Variants in SYK observed in about 807,000 individuals in gnomAD.
SYK encodes the protein spleen associated tyrosine kinase.
SYK carries 16 observed loss-of-function variants against 77.8 expected under a neutral mutation model. The ratio of observed to expected loss-of-function variants is 0.21; its 90% confidence interval spans 0.14 to 0.31. The LOEUF (loss-of-function observed/expected upper bound fraction) is 0.31, where lower values mean the gene tolerates loss of function less well. SYK is among the 10% of genes least tolerant of loss of function. The probability of loss-of-function intolerance (pLI) is 1.00; values close to 1 mark genes in which losing one functional copy is unlikely to be tolerated. For missense variants in SYK, 529 were observed against 814.4 expected (o/e 0.65, Z 4.26); for synonymous variants, 312 against 308.7 (o/e 1.01, Z -0.11).
chr9:90,894,989 C>T (rs937953534), intron 13 of SYK, among the ~76,000 whole-genome samples: 5 of 152,184 alleles, frequency 3.3e-5, no homozygotes, highest in African/African-American at 1.2e-4. Context: ...CCTAAGAACC[C>T]ATATCAACAG....
At chr9:90,808,191 C>T (rs1469257578) in intron 1 of SYK, among the ~76,000 whole-genome samples, 1 of 152,196 alleles carries the variant, frequency 6.6e-6, no homozygotes, top group Non-Finnish European at 1.5e-5. Flanking sequence ...CTCAAGGAAG[C>T]CCTTCATCCC....
chr9:90,811,788 G>A (rs1251413577), intron 1 of SYK, among the ~76,000 whole-genome samples: 1 of 150,902 alleles, frequency 6.6e-6, no homozygotes, highest in Admixed American at 6.6e-5. Context: ...AGCCTGGACT[G>A]GTGGTGTGCA....
chr9:90,834,126 C>G (rs572855325), intron 1 of SYK, among the ~76,000 whole-genome samples: 1 of 151,626 alleles, frequency 6.6e-6, no homozygotes, highest in Non-Finnish European at 1.5e-5. Flanking sequence ...AGTCCAAGCC[C>G]TCACTGACTT....
At chr9:90,808,828 C>T (rs188928570) in intron 1 of SYK, among the ~76,000 whole-genome samples, 2 of 152,164 alleles carry the variant, frequency 1.3e-5, no homozygotes, top group African/African-American at 4.8e-5. Flanking sequence ...CCCCACACTG[C>T]TGCCTGCCTG....
At position 90,897,714 on chromosome 9, in the gene SYK, G is replaced by C; in HGVS notation, c.*2114G>C. 4.4e-6 allele frequency: 1 copy of C among 224,816 alleles called. No homozygotes were observed. The highest frequency in any genetic ancestry group is 8.9e-6 in the Non-Finnish European group (1 of 112,674). The allele number at this position is 224,816 out of a possible 1,614,324, so 13.9% of individuals were successfully genotyped here. A position where few individuals can be genotyped will look rare whatever the true frequency, so the allele number is the denominator to read the frequency against. On this transcript the variant is annotated 3_prime_UTR_variant, in exon 14 of 14. Transcript: ENST00000375754. The stretch of plus-strand genomic sequence containing the variant: ...CATCCAGAATGTGATGGGACAAGAT[G>C]GGGGCAGGGGCCTCACCTCCCTGCA...
At chr9:90,874,945 T>C (rs1325712713) in intron 9 of SYK, 96 bp downstream of exon 9, 1 of 1,347,980 alleles carries the variant, frequency 7.4e-7, no homozygotes, top group East Asian at 2.3e-5. Context: ...GACTAAACCC[T>C]TTTTTTATTA....
intron 11 of SYK, among the ~76,000 whole-genome samples, chr9:90,880,737 G>A (rs1828118601): frequency 6.6e-6 from 1 of 152,230 alleles, no homozygotes; most frequent in Non-Finnish European, 1.5e-5. Flanking sequence ...TGTGGGCAGG[G>A]CCAGGTAGGC....
In SYK at chr9:90,895,372, G is replaced by C. The variant is rs1203135064; in HGVS notation, c.1836-156G>C. 6.6e-6 allele frequency among the ~76,000 whole-genome samples: 1 copy of C among 152,174 alleles called. No homozygotes were observed. The highest frequency in any genetic ancestry group is 1.9e-4 in the East Asian group (1 of 5,186). On this transcript the variant is annotated intron_variant, in intron 13 of 13. Coordinates refer to ENST00000375754, the MANE Select transcript of SYK (RefSeq NM_003177.7). This position sits in a 1 kb window ranked among gnomAD's most constrained non-coding sequence, Gnocchi z 4.4. ...TTTTGACAGCCTTGTGGTCACCCTG[G>C]GGTGGGGGGCACAGGGACCACGCTG...
intron 1 of SYK, among the ~76,000 whole-genome samples, chr9:90,842,146 C>A (rs1285145025): frequency 2.1e-5 from 3 of 141,298 alleles, no homozygotes; most frequent in African/African-American, 7.9e-5. Context: ...GTTGTGTGTG[C>A]AGTGTGTGTT....
At chr9:90,891,000 C>T (rs949821552) in intron 13 of SYK, among the ~76,000 whole-genome samples, 3 of 152,186 alleles carry the variant, frequency 2.0e-5, no homozygotes, top group South Asian at 2.1e-4. Flanking sequence ...GTTTTATAGA[C>T]GAGCTTGAGT....
At chr9:90,864,770 T>G in intron 5 of SYK, 103 bp downstream of exon 5, 1 of 964,530 alleles carries the variant, frequency 1.0e-6, no homozygotes, top group Non-Finnish European at 1.6e-6. Flanking sequence ...TGAGGACTTC[T>G]TTTTACGGGT....
intron 1 of SYK, among the ~76,000 whole-genome samples, chr9:90,812,272 G>T (rs935568243): frequency 1.3e-5 from 2 of 152,134 alleles, no homozygotes; most frequent in African/African-American, 4.8e-5. Flanking sequence ...TTTGCTTGGG[G>T]GGAAAGGGTA....
At chr9:90,886,920 G>GTATA (rs376638224) in intron 11 of SYK, among the ~76,000 whole-genome samples, 2 of 150,858 alleles carry the variant, frequency 1.3e-5, no homozygotes, top group Non-Finnish European at 3.0e-5. Flanking sequence ...AATGTGGTGT[G>GTATA]TATATATATA....
At chr9:90,888,770 G>T in intron 13 of SYK, 143 bp downstream of exon 13, 1 of 656,936 alleles carries the variant, frequency 1.5e-6, no homozygotes, top group Non-Finnish European at 2.5e-6. Context: ...GTGGGGGCTG[G>T]TCTTGCTTTA....
chr9:90,877,562 C>T lies in SYK; in HGVS notation c.1182-9C>T, dbSNP rs376152919. The T allele has an allele frequency of 1.2e-6, 2 of 1,613,874 alleles. No homozygotes were observed. The highest frequency in any genetic ancestry group is 1.6e-4 in the Middle Eastern group (1 of 6,084). ...GAAAGTTTCTTGTGTGTTATGATTT[C>T]TCTTGCAGAGTTGTGAAAACCGTGG... is the stretch of plus-strand genomic sequence containing the variant. On this transcript the variant is annotated splice_polypyrimidine_tract_variant and intron_variant, in intron 9 of 13. Transcript: ENST00000375754.
intron 11 of SYK, 130 bp downstream of exon 11, chr9:90,879,083 A>G (rs1828051860): frequency 1.7e-6 from 1 of 603,318 alleles, no homozygotes; most frequent in South Asian, 2.4e-5. Context: ...ACTATGTAAG[A>G]TATGTTCTTA....
intron 3 of SYK, among the ~76,000 whole-genome samples, chr9:90,846,683 T>G (rs1286499967): frequency 1.0e-5 from 1 of 95,270 alleles, no homozygotes; most frequent in Non-Finnish European, 2.3e-5. Context: ...AAAAGAAAAA[T>G]TGACCACAAT....
At chr9:90,852,104 T>A (rs376545986) in intron 3 of SYK, among the ~76,000 whole-genome samples, 3 of 152,356 alleles carry the variant, frequency 2.0e-5, no homozygotes, top group East Asian at 3.9e-4. Flanking sequence ...AATAATATAT[T>A]TGTCTATATA....
chr9:90,887,630 C>A, intron 11 of SYK, 119 bp from the exon 12 acceptor site: 1 of 1,151,436 alleles, frequency 8.7e-7, no homozygotes, highest in Non-Finnish European at 1.2e-6. Flanking sequence ...CTCAAGCTCC[C>A]GATCTCAAGT....
Sources: gnomAD v4.1 joint callset for allele counts (sites outside exome capture counted in the v4.1 genomes callset) on GRCh38, gnomAD v4.1.1 for gene constraint, Gnocchi (gnomAD v3.1) non-coding constraint, MANE v1.5 for transcripts, NCBI Gene and HGNC (gene_info 2026-07-23, HGNC 2026-07-21) for gene names.